HTR2C: variants seen among roughly 807,000 people sequenced by gnomAD.
HTR2C encodes the protein 5-hydroxytryptamine receptor 2C, also known as 5-hydroxytryptamine (serotonin) receptor 2C, G protein-coupled.
HTR2C carries 5 observed loss-of-function variants against 21.0 expected under a neutral mutation model. That is an observed-to-expected ratio of 0.24 (90% CI 0.12 to 0.50). The LOEUF (loss-of-function observed/expected upper bound fraction) is 0.50. Ranked by LOEUF, HTR2C falls within the 20% of genes least tolerant of loss-of-function variation. The pLI, the probability that HTR2C is intolerant of heterozygous loss-of-function variation, is 0.98. For missense variants in HTR2C, 271 were observed against 371.2 expected, an observed-to-expected ratio of 0.73 and a Z score of 2.22; for synonymous variants, 150 against 145.3, an observed-to-expected ratio of 1.03 and a Z score of -0.23.
intron 4 of HTR2C, among the ~76,000 whole-genome samples, chrX:114,796,656 G>A (rs782784670): frequency 4.5e-5 from 5 of 111,541 alleles, no homozygotes; most frequent in Non-Finnish European, 9.4e-5. Flanking sequence ...AAATTTCTCA[G>A]ATATAAATAC....
intron 2 of HTR2C, among the ~76,000 whole-genome samples, chrX:114,662,480 A>G (rs1185516856): frequency 8.9e-6 from 1 of 112,184 alleles, no homozygotes; most frequent in Non-Finnish European, 1.9e-5. Context: ...ACAGAAAAAG[A>G]AATTGTTCCC....
chrX:114,661,660 C>G (rs1930993479), intron 2 of HTR2C, among the ~76,000 whole-genome samples: 1 of 110,148 alleles, frequency 9.1e-6, no homozygotes, highest in Admixed American at 9.8e-5. Flanking sequence ...CCTGAGCCAC[C>G]GTGCCTGGCC....
Position 114,711,537 on chromosome X carries a change from A to G in HTR2C, c.-79-15321A>G, listed in dbSNP as rs1363170782. 3.6e-5 allele frequency among the ~76,000 whole-genome samples: 4 copies of G among 111,864 alleles called. No homozygotes were observed. The Admixed American group carries it at 3.8e-4, about 11-fold the overall frequency. On this transcript the variant is annotated intron_variant, in intron 2 of 5. Coordinates refer to ENST00000276198, the MANE Select transcript of HTR2C (RefSeq NM_000868.4). Reference sequence around the variant, plus strand: ...CTACATGGGCAGAGCTCTTTGCCTTATTCACTCATATATCCCTAGTATATA... The same window carrying G: ...CTACATGGGCAGAGCTCTTTGCCTTGTTCACTCATATATCCCTAGTATATA...
Position 114,907,836 on chromosome X carries a change from A to G in HTR2C, c.*421A>G, listed in dbSNP as rs1337099642. Reference sequence around the variant, plus strand: ...ACCTAAATTAACAAATTCAGTGGACATTTGTTCTGGGTTAACAGTAAATAT... The same window carrying G: ...ACCTAAATTAACAAATTCAGTGGACGTTTGTTCTGGGTTAACAGTAAATAT... On this transcript the variant is annotated 3_prime_UTR_variant, in exon 6 of 6. Transcript: ENST00000276198. The G allele has an allele frequency of 1.5e-5, 2 of 129,509 alleles. No homozygotes were observed. The highest frequency in any genetic ancestry group is 6.4e-5 in the African/African-American group (2 of 31,164). The allele number at this position is 129,509 out of a possible 1,213,427, so 10.7% of individuals were successfully genotyped here. A position where few individuals can be genotyped will look rare whatever the true frequency, so the allele number is the denominator to read the frequency against.
intron 1 of HTR2C, among the ~76,000 whole-genome samples, chrX:114,596,171 G>A (rs1255184635): frequency 4.5e-5 from 5 of 112,011 alleles, no homozygotes; most frequent in African/African-American, 1.6e-4. Context: ...GCATACCCTG[G>A]ATTTAAACAT....
chrX:114,634,014 A>G, intron 2 of HTR2C, among the ~76,000 whole-genome samples: 1 of 108,763 alleles, frequency 9.2e-6, no homozygotes. Flanking sequence ...AGTTCTATAA[A>G]TTTATTAGTT....
At chrX:114,857,186 C>G (rs1354209776) in intron 5 of HTR2C, among the ~76,000 whole-genome samples, 2 of 110,486 alleles carry the variant, frequency 1.8e-5, no homozygotes, top group Admixed American at 2.0e-4. Flanking sequence ...CTGCTTTATC[C>G]CCGTTCTTCC....
rs1043502119 is a variant in HTR2C, at chrX:114,628,102, C to T, written c.-80+14221C>T. Reference sequence around the variant, plus strand: ...TTTCAGCAGAAATGTTTCTCTAATGCTTGGTATATGTAAAATTTGATGGAA... The same window carrying T: ...TTTCAGCAGAAATGTTTCTCTAATGTTTGGTATATGTAAAATTTGATGGAA... On this transcript the variant is annotated intron_variant, in intron 2 of 5. Coordinates refer to ENST00000276198, the MANE Select transcript of HTR2C (RefSeq NM_000868.4). Among the ~76,000 whole-genome samples, 4 of 111,936 alleles carry T rather than the reference C, an allele frequency of 3.6e-5. No homozygotes were observed. In the East Asian group the frequency reaches 1.1e-3, roughly 31 times the overall value.
intron 2 of HTR2C, among the ~76,000 whole-genome samples, chrX:114,653,942 C>G (rs1220750632): frequency 9.1e-6 from 1 of 110,491 alleles, no homozygotes; most frequent in Non-Finnish European, 1.9e-5. Context: ...AATATTTCTG[C>G]TACTACGCTG....
chrX:114,726,482 C>T (rs186184384), intron 2 of HTR2C, among the ~76,000 whole-genome samples: 1,674 of 112,598 alleles, frequency 0.015, 30 homozygotes, highest in African/African-American at 0.051. Flanking sequence ...TCTTCTGCGT[C>T]GCTCACGCTG....
At chrX:114,712,612 C>T (rs781928035) in intron 2 of HTR2C, among the ~76,000 whole-genome samples, 1 of 111,861 alleles carries the variant, frequency 8.9e-6, no homozygotes, top group Admixed American at 9.5e-5. Context: ...AGACCTTTGC[C>T]AAATTAGAGG....
At chrX:114,723,899 G>A (rs1483156394) in intron 2 of HTR2C, among the ~76,000 whole-genome samples, 12 of 98,554 alleles carry the variant, frequency 1.2e-4, no homozygotes, top group African/African-American at 4.0e-4. Context: ...TATAATCTCT[G>A]TTCTTTTACA....
At chrX:114,880,560 T>C (rs188596797) in intron 5 of HTR2C, among the ~76,000 whole-genome samples, 29 of 110,676 alleles carry the variant, frequency 2.6e-4, no homozygotes, top group African/African-American at 8.1e-4. Context: ...TTATACCCTT[T>C]AGCTATCACC....
chrX:114,705,513 A>T (rs1369820910), intron 2 of HTR2C, among the ~76,000 whole-genome samples: 3 of 108,878 alleles, frequency 2.8e-5, no homozygotes, highest in Non-Finnish European at 5.7e-5. Flanking sequence ...ATATGTAGAA[A>T]GCTGAAACTG....
At chrX:114,624,018 C>T (rs1444371550) in intron 2 of HTR2C, among the ~76,000 whole-genome samples, 2 of 102,781 alleles carry the variant, frequency 1.9e-5, no homozygotes, top group Non-Finnish European at 3.9e-5. Flanking sequence ...AAGCGATTCT[C>T]GTGCCTCAGC....
At chrX:114,777,063 T>C (rs2070065852) in intron 4 of HTR2C, among the ~76,000 whole-genome samples, 2 of 112,063 alleles carry the variant, frequency 1.8e-5, no homozygotes, top group Admixed American at 1.9e-4. Context: ...AATGTACTAA[T>C]GCCCTTACAA....
intron 2 of HTR2C, among the ~76,000 whole-genome samples, chrX:114,639,822 A>G (rs1052191967): frequency 9.0e-6 from 1 of 111,706 alleles, no homozygotes; most frequent in Admixed American, 9.6e-5. Flanking sequence ...TTTGTATTTA[A>G]CCTTGTGTAA....
chrX:114,669,358 T>C (rs1157567593), intron 2 of HTR2C, among the ~76,000 whole-genome samples: 2 of 111,961 alleles, frequency 1.8e-5, no homozygotes, highest in Non-Finnish European at 3.8e-5. Context: ...AGCTTTTTCA[T>C]TGGAGAAGAA....
At chrX:114,826,081 C>CT (rs35488941) in intron 4 of HTR2C, among the ~76,000 whole-genome samples, 5 of 94,772 alleles carry the variant, frequency 5.3e-5, no homozygotes, top group African/African-American at 1.2e-4. Context: ...AAATCAAAAA[C>CT]TTTTTTTTTT....
Sources: gnomAD v4.1 joint callset for allele counts (sites outside exome capture counted in the v4.1 genomes callset) on GRCh38, gnomAD v4.1.1 for gene constraint, MANE v1.5 for transcripts, NCBI Gene and HGNC (gene_info 2026-07-23, HGNC 2026-07-21) for gene names.